The following ERC2 variants were observed in gnomAD, a reference collection of about 807,000 sequenced individuals.
ERC2 encodes ERC protein 2.
In ERC2, 42 loss-of-function variants were observed where a neutral mutation model predicts 114.8. The observed-to-expected ratio is 0.37, with a 90% CI of 0.29 to 0.47. ERC2 has a LOEUF of 0.47. Ranked by LOEUF, ERC2 falls within the 20% of genes least tolerant of loss-of-function variation. ERC2 has a pLI of 0.99. For synonymous variants in ERC2, 454 were observed against 425.5 expected, an observed-to-expected ratio of 1.07 and a Z score of -0.82; for missense variants, 939 against 1,150.7, an observed-to-expected ratio of 0.82 and a Z score of 2.66.
intron 3 of ERC2, among the ~76,000 whole-genome samples, chr3:56,245,510 TTGTG>T (rs34578755): frequency 0.55 from 82,001 of 149,132 alleles, 22,877 homozygotes; most frequent in East Asian, 0.84. Flanking sequence ...GTGTGGTATG[TTGTG>T]TGTGTGTGTG....
At chr3:55,711,241 T>G (rs2063761575) in intron 15 of ERC2, among the ~76,000 whole-genome samples, 1 of 152,250 alleles carries the variant, frequency 6.6e-6, no homozygotes, top group Non-Finnish European at 1.5e-5. Context: ...TTTATAATTT[T>G]TCTTTTTTAA....
intron 4 of ERC2, among the ~76,000 whole-genome samples, chr3:56,167,973 C>T (rs1335145131): frequency 6.6e-6 from 1 of 152,182 alleles, no homozygotes; most frequent in South Asian, 2.1e-4. Flanking sequence ...CATGAGCTGC[C>T]TCTACCCATT....
chr3:56,334,711 T>C (rs537079887), intron 2 of ERC2, among the ~76,000 whole-genome samples: 4 of 152,208 alleles, frequency 2.6e-5, no homozygotes, highest in Non-Finnish European at 5.9e-5. Context: ...AGGTGATTGA[T>C]ACTGATGGTG....
chr3:55,565,469 C>T (rs1020770883), intron 17 of ERC2, among the ~76,000 whole-genome samples: 8 of 152,034 alleles, frequency 5.3e-5, no homozygotes, highest in South Asian at 4.2e-4. Flanking sequence ...TGCCCTTTGC[C>T]GTGCACTTGT....
intron 6 of ERC2, among the ~76,000 whole-genome samples, chr3:56,097,859 CCCATTTAAACAGTAAA>C (rs1414779025): frequency 6.6e-6 from 1 of 152,134 alleles, no homozygotes; most frequent in Admixed American, 6.5e-5. Context: ...TAGGCATTTA[CCCATTTAAACAGTAAA>C]CATTTGCAGT....
intron 5 of ERC2, 145 bp downstream of exon 5, chr3:56,148,832 A>C: frequency 1.4e-6 from 1 of 708,530 alleles, no homozygotes; most frequent in East Asian, 2.8e-5. Flanking sequence ...CTGAACTAAA[A>C]ATCTTCCGCA....
intron 14 of ERC2, among the ~76,000 whole-genome samples, chr3:55,739,119 A>G (rs1228032249): frequency 6.6e-6 from 1 of 152,162 alleles, no homozygotes; most frequent in Non-Finnish European, 1.5e-5. Flanking sequence ...ATACTATTCC[A>G]TGGTGTATAT....
intron 15 of ERC2, among the ~76,000 whole-genome samples, chr3:55,730,438 G>T (rs2065186003): frequency 6.6e-6 from 1 of 152,212 alleles, no homozygotes; most frequent in African/African-American, 2.4e-5. Flanking sequence ...AAAGCATTTG[G>T]CATAGAGCCT....
intron 15 of ERC2, among the ~76,000 whole-genome samples, chr3:55,713,206 T>C (rs914598799): frequency 2.0e-5 from 3 of 151,502 alleles, no homozygotes; most frequent in African/African-American, 7.3e-5. Flanking sequence ...TTCTTTTCCT[T>C]ATTAAAAAAA....
intron 17 of ERC2, among the ~76,000 whole-genome samples, chr3:55,523,329 C>T (rs2053088344): frequency 6.6e-6 from 1 of 152,222 alleles, no homozygotes. Context: ...AATTCCTGAT[C>T]CGGGGTGCCA....
intron 15 of ERC2, among the ~76,000 whole-genome samples, chr3:55,704,431 G>A (rs1033659326): frequency 2.6e-5 from 4 of 152,194 alleles, no homozygotes; most frequent in Admixed American, 6.5e-5. Context: ...AGATAATACT[G>A]TACAATAGCA....
intron 3 of ERC2, among the ~76,000 whole-genome samples, chr3:56,188,080 C>T (rs750871839): frequency 3.3e-5 from 5 of 152,126 alleles, no homozygotes; most frequent in African/African-American, 7.2e-5. Context: ...GAGGAAAGGG[C>T]CTGTCATCCA....
intron 13 of ERC2, among the ~76,000 whole-genome samples, chr3:55,937,534 G>A (rs1008252854): frequency 6.6e-6 from 1 of 152,192 alleles, no homozygotes; most frequent in African/African-American, 2.4e-5. Context: ...CTCTCAGAGG[G>A]GAAGATAAGG....
At chr3:56,343,186 T>TCACACA (rs1222760029) in intron 2 of ERC2, among the ~76,000 whole-genome samples, 3 of 15,008 alleles carry the variant, frequency 2.0e-4, no homozygotes, top group Non-Finnish European at 6.7e-4. Flanking sequence ...TCTCTCTCTC[T>TCACACA]CTCTCTCACA....
chr3:56,425,530 G>C (rs891463478), intron 2 of ERC2, among the ~76,000 whole-genome samples: 1 of 147,160 alleles, frequency 6.8e-6, no homozygotes. Flanking sequence ...TTTGTTACAA[G>C]AACTAACCAA....
chr3:55,919,447 C>T (rs1257062711), intron 13 of ERC2, among the ~76,000 whole-genome samples: 1 of 152,104 alleles, frequency 6.6e-6, no homozygotes, highest in African/African-American at 2.4e-5. Context: ...AACAGAGCTA[C>T]AGGTATCAAT....
chr3:55,674,928 C>T (rs890308932), intron 17 of ERC2, among the ~76,000 whole-genome samples: 1 of 152,150 alleles, frequency 6.6e-6, no homozygotes, highest in African/African-American at 2.4e-5. Context: ...AACGCTGACT[C>T]TTAGGCTGAA....
At chr3:56,173,177 C>T (rs1410153648) in intron 4 of ERC2, among the ~76,000 whole-genome samples, 1 of 152,046 alleles carries the variant, frequency 6.6e-6, no homozygotes, top group Non-Finnish European at 1.5e-5. Flanking sequence ...TAAAACCTCC[C>T]TAGGATTAGA....
At chr3:55,737,007 C>T (rs1409377729) in intron 14 of ERC2, among the ~76,000 whole-genome samples, 1 of 152,142 alleles carries the variant, frequency 6.6e-6, no homozygotes, top group Non-Finnish European at 1.5e-5. Flanking sequence ...GACCCCACAG[C>T]CCCAAGGAAG....
Sources: allele counts gnomAD v4.1 joint callset (sites outside exome capture counted in the v4.1 genomes callset), GRCh38; gene constraint gnomAD v4.1.1; transcripts MANE v1.5; gene names NCBI Gene and HGNC (gene_info 2026-07-23, HGNC 2026-07-21).